TDRD5: variants seen among roughly 807,000 people sequenced by gnomAD.
TDRD5 encodes tudor domain-containing protein 5.
A neutral mutation model predicts 120.6 loss-of-function variants in TDRD5; 41 were observed. That is an observed-to-expected ratio of 0.34 (90% confidence interval 0.26 to 0.44). The LOEUF is 0.44. Among genes scored for constraint, TDRD5 ranks in the 20% least tolerant of loss-of-function variants. The probability of loss-of-function intolerance (pLI) is 1.00; values close to 1 mark genes in which losing one functional copy is unlikely to be tolerated. For missense variants in TDRD5, 1,006 were observed against 1,221.2 expected, an observed-to-expected ratio of 0.82 and a Z score of 2.63; for synonymous variants, 430 against 433.7, an observed-to-expected ratio of 0.99 and a Z score of 0.11.
chr1:179,615,404 T>G (rs1676514112), intron 4 of TDRD5, among the ~76,000 whole-genome samples: 1 of 152,216 alleles, frequency 6.6e-6, no homozygotes, highest in South Asian at 2.1e-4. Context: ...TACTTAGTCT[T>G]CTATTTTATT....
chr1:179,659,740 C>T (rs1280159083), intron 14 of TDRD5, among the ~76,000 whole-genome samples: 1 of 151,816 alleles, frequency 6.6e-6, no homozygotes, highest in African/African-American at 2.4e-5. Context: ...TCTTGTTTCC[C>T]AGGCTGGAGT....
intron 4 of TDRD5, among the ~76,000 whole-genome samples, chr1:179,599,596 A>G (rs1675589402): frequency 6.6e-6 from 1 of 151,196 alleles, no homozygotes; most frequent in South Asian, 2.1e-4. Flanking sequence ...CATTTCATCT[A>G]GGTTGTCAAA....
At chr1:179,689,593 C>T (rs866834445) in intron 17 of TDRD5, among the ~76,000 whole-genome samples, 2 of 152,170 alleles carry the variant, frequency 1.3e-5, no homozygotes, top group African/African-American at 4.8e-5. Context: ...CAGCCAGGGA[C>T]GTTTAAGTCT....
chr1:179,608,460 C>CT (rs946249177), intron 4 of TDRD5, among the ~76,000 whole-genome samples: 5 of 151,898 alleles, frequency 3.3e-5, no homozygotes, highest in African/African-American at 4.8e-5. Context: ...TTACAATTCT[C>CT]TTTTTTCCCC....
intron 4 of TDRD5, among the ~76,000 whole-genome samples, chr1:179,600,495 C>T (rs994404336): frequency 9.2e-5 from 14 of 152,248 alleles, no homozygotes; most frequent in Non-Finnish European, 1.6e-4. Context: ...TACGTACATT[C>T]TATGTTTGTA....
rs769207274 is a variant in TDRD5, at chr1:179,669,286, C to T, written c.2742C>T (p.Asp914=). 31 of 1,613,988 alleles carry T rather than the reference C, an allele frequency of 1.9e-5. No homozygotes were observed. In the South Asian group the frequency reaches 2.5e-4, roughly 13 times the overall value. Residue 914 remains aspartate (D), a synonymous_variant, in exon 17 of 18, where the codon GAC becomes GAT. Transcript: ENST00000444136. ...TTACCCAGTCAGAGCAGTCAGCAGACGGGAGCCAGTCTGAACCCAACAACA... is the reference window on the plus strand; with the variant it reads ...TTACCCAGTCAGAGCAGTCAGCAGATGGGAGCCAGTCTGAACCCAACAACA... ...TSLTQSEQSA[D]GSQSEPNNSQ... is the part of the protein sequence containing the mutation.
intron 6 of TDRD5, among the ~76,000 whole-genome samples, chr1:179,626,949 T>G (rs1248559427): frequency 2.6e-5 from 4 of 152,134 alleles, no homozygotes; most frequent in African/African-American, 9.7e-5. Context: ...ACTGCATATC[T>G]GACAATATCA....
chr1:179,651,857 G>A (rs1339045060), intron 12 of TDRD5, among the ~76,000 whole-genome samples, 182 bp from the exon 13 acceptor site: 3 of 152,144 alleles, frequency 2.0e-5, no homozygotes, highest in South Asian at 4.1e-4. Flanking sequence ...AGGTTGCAGT[G>A]AGCCGAGATT....
chr1:179,669,676 T>A (rs10798707), intron 17 of TDRD5, among the ~76,000 whole-genome samples: 2 of 151,762 alleles, frequency 1.3e-5, no homozygotes, highest in African/African-American at 4.9e-5. Flanking sequence ...TGTATAGTTC[T>A]TTGAGTTTCG....
In TDRD5 at chr1:179,654,335, A is replaced by G; in HGVS notation, c.2295A>G (p.Glu765=). 6.5e-7 allele frequency: 1 copy of G among 1,540,484 alleles called. No homozygotes were observed. The highest frequency in any genetic ancestry group is 8.8e-7 in the Non-Finnish European group (1 of 1,142,614). The change falls in exon 14 of 18, where the codon GAA becomes GAG. Residue 765 remains glutamate (E), a synonymous_variant. Transcript: ENST00000444136. ...FEEDPKWSNP[E]PNDLKEENED... Reference sequence around the variant, plus strand: ...AAGATCCAAAGTGGTCCAACCCAGAACCAAACGATCTGAAGGAAGAAAATG... The same window carrying G: ...AAGATCCAAAGTGGTCCAACCCAGAGCCAAACGATCTGAAGGAAGAAAATG...
intron 17 of TDRD5, among the ~76,000 whole-genome samples, chr1:179,680,071 T>C (rs904416977): frequency 6.6e-6 from 1 of 152,162 alleles, no homozygotes; most frequent in African/African-American, 2.4e-5. Context: ...TCTTGACCTA[T>C]TGGTTATCTA....
chr1:179,671,818 A>T (rs576863561), intron 17 of TDRD5, among the ~76,000 whole-genome samples: 1 of 152,070 alleles, frequency 6.6e-6, no homozygotes, highest in Non-Finnish European at 1.5e-5. Context: ...GCTCCCACCT[A>T]TGACTGAGAA....
chr1:179,645,709 C>T (rs1210614842), intron 11 of TDRD5, among the ~76,000 whole-genome samples: 1 of 151,942 alleles, frequency 6.6e-6, no homozygotes, highest in Non-Finnish European at 1.5e-5. Context: ...TTGTGTATTT[C>T]TTCCTATAGT....
intron 14 of TDRD5, among the ~76,000 whole-genome samples, chr1:179,658,015 C>T (rs1415448857): frequency 6.6e-6 from 1 of 152,152 alleles, no homozygotes; most frequent in Non-Finnish European, 1.5e-5. Context: ...CCCTCCACCT[C>T]CTAGCCTCTG....
intron 16 of TDRD5, 60 bp downstream of exon 16, chr1:179,663,551 G>A: frequency 6.5e-7 from 1 of 1,532,524 alleles, no homozygotes; most frequent in Non-Finnish European, 8.7e-7. Flanking sequence ...TTCATTTTTA[G>A]AAAGCAAAAT....
chr1:179,687,854 T>A (rs1006319617), intron 17 of TDRD5, among the ~76,000 whole-genome samples: 1 of 148,134 alleles, frequency 6.8e-6, no homozygotes, highest in African/African-American at 2.5e-5. Flanking sequence ...TATCAGAGAC[T>A]AGGATTGCAA....
rs191551480 is a variant in TDRD5 at position 179,641,486 on chromosome 1, C to T, written c.1800+1041C>T. Among the ~76,000 whole-genome samples the T allele has an allele frequency of 3.7e-3, 567 of 151,510 alleles. 2 individuals are homozygous for T. The highest frequency in any genetic ancestry group is 0.013 in the African/African-American group (532 of 41,260). On this transcript the variant is annotated intron_variant, in intron 11 of 17. Transcript: ENST00000444136. ...CGGAGGTTGCAGTGAGCTGAGATTGCGCCGCTGCACTCCAGCCAGGGCAAC... is the reference window on the plus strand; with the variant it reads ...CGGAGGTTGCAGTGAGCTGAGATTGTGCCGCTGCACTCCAGCCAGGGCAAC...
chr1:179,682,573 CT>C (rs1447783795), intron 17 of TDRD5, among the ~76,000 whole-genome samples: 1 of 152,062 alleles, frequency 6.6e-6, no homozygotes, highest in Non-Finnish European at 1.5e-5. Flanking sequence ...TGAACTCATT[CT>C]TTTTTATGGC....
At chr1:179,690,568 A>G (rs1286931666) in intron 17 of TDRD5, 128 bp from the exon 18 acceptor site, 6 of 1,266,318 alleles carry the variant, frequency 4.7e-6, no homozygotes, top group Non-Finnish European at 6.5e-6. Context: ...CTGATTAGCC[A>G]TTGGTAATTG....
Sources: allele counts gnomAD v4.1 joint callset (sites outside exome capture counted in the v4.1 genomes callset), GRCh38; gene constraint gnomAD v4.1.1; transcripts MANE v1.5; gene names NCBI Gene and HGNC (gene_info 2026-07-23, HGNC 2026-07-21).